The following AK8 variants were observed in gnomAD, a reference collection of about 807,000 sequenced individuals.
AK8 encodes the protein adenylate kinase 8.
AK8 carries 44 observed loss-of-function variants against 54.6 expected under a neutral mutation model. That is an observed-to-expected ratio of 0.81 (90% CI 0.63 to 1.04). The LOEUF is 1.04. AK8 is among the 50% of genes least tolerant of loss of function. The pLI is 0.00. For missense variants in AK8, 555 were observed against 613.6 expected (o/e 0.90, Z 1.01); for synonymous variants, 239 against 245.6 (o/e 0.97, Z 0.25).
At chr9:132,876,193 G>T (rs994205254) in intron 1 of AK8, among the ~76,000 whole-genome samples, 1 of 152,106 alleles carries the variant, frequency 6.6e-6, no homozygotes, top group Admixed American at 6.5e-5. Context: ...CCCTTCTCTG[G>T]GCCTCAGCTT....
chr9:132,865,130 C>T (rs986905696), intron 3 of AK8, among the ~76,000 whole-genome samples: 1 of 152,164 alleles, frequency 6.6e-6, no homozygotes, highest in Admixed American at 6.5e-5. Flanking sequence ...GAGTCCCTGG[C>T]TTCTAATTGT....
intron 3 of AK8, among the ~76,000 whole-genome samples, chr9:132,864,585 T>C (rs1289108152): frequency 6.6e-6 from 1 of 152,158 alleles, no homozygotes; most frequent in East Asian, 1.9e-4. Context: ...ATGACAGCAT[T>C]GGGAAGAAGC....
At chr9:132,816,269 G>C (rs415836) in intron 9 of AK8, among the ~76,000 whole-genome samples, 30,854 of 151,656 alleles carry the variant, frequency 0.2, 3,424 homozygotes, top group East Asian at 0.44. Flanking sequence ...CAGGAGAATT[G>C]CTTGAGCCCA....
At chr9:132,870,873 C>T (rs964052057) in intron 2 of AK8, among the ~76,000 whole-genome samples, 6 of 147,530 alleles carry the variant, frequency 4.1e-5, no homozygotes, top group Non-Finnish European at 3.0e-5. Context: ...TGTCATGGGC[C>T]TCTCCAAGCC....
At position 132,770,070 on chromosome 9, in the gene AK8, C is replaced by G. The variant is rs1000040966; in HGVS notation, c.1121+22564G>C. ...CTGGTTAAAGCGAATTCGGGCGCAT[C>G]GTCCGCCAGGTAAAAACAGCAGTCG... On this transcript the variant is annotated intron_variant, in intron 11 of 12. Coordinates refer to ENST00000298545, the MANE Select transcript of AK8 (RefSeq NM_152572.3). The surrounding 1 kb of genome is among the most constrained non-coding windows in gnomAD (Gnocchi z 4.3). 6.6e-6 allele frequency: 1 copy of G among 152,194 alleles called. No homozygotes were observed. Among genetic ancestry groups the G allele is most frequent in the Non-Finnish European group, 1.5e-5 (1 of 68,066 alleles). 9.4% of individuals were successfully genotyped at this position (152,194 alleles called of 1,614,324 possible).
At chr9:132,756,121 CA>C (rs1356003051) in intron 11 of AK8, among the ~76,000 whole-genome samples, 1 of 152,188 alleles carries the variant, frequency 6.6e-6, no homozygotes, top group East Asian at 1.9e-4. Flanking sequence ...GCTTTCCTCC[CA>C]TTGCCACCTT....
chr9:132,857,880 T>A (rs910489184), intron 4 of AK8, among the ~76,000 whole-genome samples: 3 of 152,192 alleles, frequency 2.0e-5, no homozygotes, highest in Non-Finnish European at 2.9e-5. Flanking sequence ...CACGCCAGCT[T>A]TGATGTGTCA....
chr9:132,830,923 AAT>A (rs1842078270), intron 5 of AK8, among the ~76,000 whole-genome samples: 1 of 152,194 alleles, frequency 6.6e-6, no homozygotes, highest in African/African-American at 2.4e-5. Context: ...TGTAAATAGT[AAT>A]GATTTGTGTA....
Position 132,875,125 on chromosome 9 carries a change from G to A in AK8, c.159C>T (p.Asp53=). 1 of 1,614,174 alleles carries A rather than the reference G, an allele frequency of 6.2e-7. No homozygotes were observed. The change falls in exon 2 of 13, where the codon GAC becomes GAT. Residue 53 remains aspartate, a synonymous_variant. Coordinates refer to ENST00000298545, the MANE Select transcript of AK8 (RefSeq NM_152572.3). ...IPFMIQHLHR[D]NDNVPRIVIL... is the part of the protein sequence containing the mutation. ...CCAGCCAGTGCTCACCATTGTCGTT[G>A]TCTCTATGCAAGTGCTGGATCATGA...
intron 10 of AK8, among the ~76,000 whole-genome samples, chr9:132,796,296 G>C (rs770127019): frequency 6.6e-6 from 1 of 152,200 alleles, no homozygotes; most frequent in Non-Finnish European, 1.5e-5. Context: ...AATCTGACTC[G>C]AGGGAAAAAT....
At chr9:132,856,879 T>C (rs1355856511) in intron 4 of AK8, among the ~76,000 whole-genome samples, 1 of 151,814 alleles carries the variant, frequency 6.6e-6, no homozygotes, top group African/African-American at 2.4e-5. Context: ...AAAGGGGAGA[T>C]AGCGAGAGAA....
At chr9:132,729,984 A>T (rs1836758704) in intron 11 of AK8, among the ~76,000 whole-genome samples, 1 of 152,210 alleles carries the variant, frequency 6.6e-6, no homozygotes, top group Non-Finnish European at 1.5e-5. Context: ...AAATGTGGAG[A>T]TCCTGAAAGC....
intron 11 of AK8, among the ~76,000 whole-genome samples, chr9:132,767,289 G>A (rs1838764023): frequency 6.6e-6 from 1 of 152,134 alleles, no homozygotes; most frequent in African/African-American, 2.4e-5. Context: ...TTAAAAAATG[G>A]GCAAATGATC....
At chr9:132,805,246 G>A (rs1412194212) in intron 10 of AK8, among the ~76,000 whole-genome samples, 1 of 152,146 alleles carries the variant, frequency 6.6e-6, no homozygotes, top group Admixed American at 6.5e-5. Context: ...TGTGCACTCC[G>A]GCTCTCCTTG....
chr9:132,817,706 A>C (rs1841392221), intron 9 of AK8, among the ~76,000 whole-genome samples: 1 of 152,204 alleles, frequency 6.6e-6, no homozygotes, highest in South Asian at 2.1e-4. Flanking sequence ...CCGGAAGAAA[A>C]GAACCAAATC....
At chr9:132,786,634 G>T (rs1347767890) in intron 11 of AK8, among the ~76,000 whole-genome samples, 1 of 152,148 alleles carries the variant, frequency 6.6e-6, no homozygotes, top group Admixed American at 6.5e-5. Flanking sequence ...TCACCCCAAT[G>T]ATACCACCCT....
chr9:132,841,227 CCTCG>C (rs1762829747), intron 5 of AK8, among the ~76,000 whole-genome samples: 1 of 152,196 alleles, frequency 6.6e-6, no homozygotes, highest in African/African-American at 2.4e-5. Context: ...TCTGAGTGTC[CCTCG>C]CTGCTGTCTG....
intron 2 of AK8, among the ~76,000 whole-genome samples, chr9:132,874,781 G>A (rs915291675): frequency 6.6e-6 from 1 of 152,230 alleles, no homozygotes; most frequent in African/African-American, 2.4e-5. Context: ...CCCAACAGGC[G>A]ACATCAGCTA....
Position 132,827,008 on chromosome 9 carries a change from C to G in AK8, c.603G>C (p.Gln201His), listed in dbSNP as rs1222051774. The change falls in exon 8 of 13, where the codon CAG becomes CAC. Residue 201 changes from glutamine (Q) to histidine (H), a missense_variant. Coordinates refer to ENST00000298545, the MANE Select transcript of AK8 (RefSeq NM_152572.3). Reference sequence around the variant, plus strand: ...TGTCCTCTGGCACCATGAGACGGTTCTGGATTTCAGATTCGGGTGGCCAGT... The same window carrying G: ...TGTCCTCTGGCACCATGAGACGGTTGTGGATTTCAGATTCGGGTGGCCAGT... ...TFDWPPESEI[Q>H]NRLMVPEDIS... The G allele has an allele frequency of 6.2e-7, 1 of 1,614,142 alleles. No homozygotes were observed. The highest frequency in any genetic ancestry group is 8.5e-7 in the Non-Finnish European group (1 of 1,180,064).
Sources: gnomAD v4.1 joint callset for allele counts (sites outside exome capture counted in the v4.1 genomes callset) on GRCh38, gnomAD v4.1.1 for gene constraint, Gnocchi (gnomAD v3.1) non-coding constraint, MANE v1.5 for transcripts, NCBI Gene and HGNC (gene_info 2026-07-23, HGNC 2026-07-21) for gene names.